The following TMED3 variants were observed in gnomAD, a reference collection of about 807,000 sequenced individuals.
TMED3 encodes the protein transmembrane emp24 domain-containing protein 3.
In TMED3, 9 loss-of-function variants were observed where a neutral mutation model predicts 15.0. That is an observed-to-expected ratio of 0.60 (90% CI 0.36 to 1.04). The LOEUF (loss-of-function observed/expected upper bound fraction) is 1.04, where lower values mean the gene tolerates loss of function less well. Among genes scored for constraint, TMED3 ranks in the 50% least tolerant of loss-of-function variants. The pLI, the probability that TMED3 is intolerant of heterozygous loss-of-function variation, is 0.01. For missense variants in TMED3, 267 were observed against 278.9 expected (o/e 0.96, Z 0.30); for synonymous variants, 117 against 121.4 (o/e 0.96, Z 0.24).
intron 2 of TMED3, among the ~76,000 whole-genome samples, chr15:79,366,898 A>AT (rs34189489): frequency 0.27 from 41,556 of 151,480 alleles, 5,840 homozygotes; most frequent in African/African-American, 0.31. Flanking sequence ...TTTAAGGTGC[A>AT]TTTTTTTTTC....
intron 2 of TMED3, among the ~76,000 whole-genome samples, chr15:79,396,268 C>T (rs1893762253): frequency 6.6e-6 from 1 of 152,148 alleles, no homozygotes; most frequent in Non-Finnish European, 1.5e-5. Context: ...TGGTATAAAG[C>T]AATGACCATT....
intron 2 of TMED3, among the ~76,000 whole-genome samples, chr15:79,331,732 GACAA>G (rs967025484): frequency 3.9e-5 from 6 of 152,002 alleles, no homozygotes; most frequent in African/African-American, 1.2e-4. Context: ...TTAAACAATG[GACAA>G]ACAATCTGAA....
chr15:79,339,710 G>A (rs2058843079), intron 2 of TMED3, among the ~76,000 whole-genome samples: 1 of 151,978 alleles, frequency 6.6e-6, no homozygotes, highest in Non-Finnish European at 1.5e-5. Flanking sequence ...TAGTAATGGT[G>A]GTGGCAATGG....
At chr15:79,350,939 A>T (rs1393010398) in intron 2 of TMED3, among the ~76,000 whole-genome samples, 1 of 152,216 alleles carries the variant, frequency 6.6e-6, no homozygotes, top group Non-Finnish European at 1.5e-5. Flanking sequence ...TTGATGGCAC[A>T]GCAGGCACCT....
chr15:79,380,081 GTA>G (rs945574642), intron 2 of TMED3, among the ~76,000 whole-genome samples: 6 of 152,066 alleles, frequency 3.9e-5, no homozygotes, highest in Non-Finnish European at 7.4e-5. Flanking sequence ...CAGGTCCTTG[GTA>G]TATATATGTC....
intron 2 of TMED3, among the ~76,000 whole-genome samples, chr15:79,376,333 G>A (rs1328239810): frequency 2.0e-5 from 3 of 152,210 alleles, no homozygotes; most frequent in Non-Finnish European, 2.9e-5. Context: ...TAAGAGTAGA[G>A]GCAGAGGCCA....
intron 2 of TMED3, among the ~76,000 whole-genome samples, chr15:79,355,765 G>A (rs538724326): frequency 2.0e-5 from 3 of 152,202 alleles, no homozygotes; most frequent in African/African-American, 4.8e-5. Context: ...CCAAGGAGCC[G>A]GCCTGACCCT....
chr15:79,408,398 T>G (rs1395934), intron 2 of TMED3, among the ~76,000 whole-genome samples: 133,108 of 152,106 alleles, frequency 0.88, 58,659 homozygotes, highest in South Asian at 0.94. Context: ...GAGTGCTGAG[T>G]TGCAGTTTTG....
intron 2 of TMED3, among the ~76,000 whole-genome samples, chr15:79,369,854 G>C (rs566328224): frequency 6.6e-6 from 1 of 152,184 alleles, no homozygotes; most frequent in Admixed American, 6.5e-5. Context: ...AAGGAAGGGC[G>C]ATCCTTTTTT....
chr15:79,344,422 G>C (rs532291669), intron 2 of TMED3, among the ~76,000 whole-genome samples: 2 of 152,292 alleles, frequency 1.3e-5, no homozygotes, highest in African/African-American at 4.8e-5. Flanking sequence ...CTCTGGGGAA[G>C]AGCTCATTCC....
intron 2 of TMED3, chr15:79,383,186 G>A (rs1015249436): frequency 4.5e-6 from 3 of 664,222 alleles, no homozygotes; most frequent in Non-Finnish European, 7.9e-6. Flanking sequence ...TGCTTACGTG[G>A]TAATCAGTAT....
chr15:79,320,966 A>G (rs2058763925), intron 2 of TMED3, among the ~76,000 whole-genome samples: 1 of 152,168 alleles, frequency 6.6e-6, no homozygotes, highest in African/African-American at 2.4e-5. Flanking sequence ...TGTAGGACTG[A>G]GGTCCCCATT....
chr15:79,330,892 A>G (rs554545883), intron 2 of TMED3, among the ~76,000 whole-genome samples: 2 of 152,374 alleles, frequency 1.3e-5, no homozygotes, highest in South Asian at 2.1e-4. Flanking sequence ...ATCTATAGCT[A>G]TATTAGTACA....
intron 2 of TMED3, among the ~76,000 whole-genome samples, chr15:79,402,338 G>A (rs1019783108): frequency 2.6e-5 from 4 of 152,238 alleles, no homozygotes; most frequent in Non-Finnish European, 4.4e-5. Context: ...GTGAGTGAAT[G>A]CTGGGTGGGT....
intron 2 of TMED3, among the ~76,000 whole-genome samples, chr15:79,331,407 TC>T: frequency 1.3e-5 from 1 of 77,654 alleles, no homozygotes; most frequent in African/African-American, 4.0e-5. Flanking sequence ...AAAAATCCAC[TC>T]AAAATGATCA....
chr15:79,332,507 A>G (rs981629980), intron 2 of TMED3, among the ~76,000 whole-genome samples: 1 of 152,218 alleles, frequency 6.6e-6, no homozygotes, highest in African/African-American at 2.4e-5. Flanking sequence ...AAGACATGTT[A>G]AAGACTTGGT....
intron 2 of TMED3, among the ~76,000 whole-genome samples, chr15:79,378,421 CTT>C (rs1387921873): frequency 1.3e-5 from 2 of 152,210 alleles, no homozygotes; most frequent in African/African-American, 4.8e-5. Flanking sequence ...ACTCAAGCCT[CTT>C]TTGATTTTAT....
At chr15:79,324,098 C>T (rs536290710), downstream of TMED3, among the ~76,000 whole-genome samples, 33 of 152,288 alleles carry the variant, frequency 2.2e-4, 1 homozygote, top group African/African-American at 7.9e-4. Context: ...TTACACCATT[C>T]TCCTGCTTCA....
intron 2 of TMED3, among the ~76,000 whole-genome samples, chr15:79,376,918 G>A (rs1290280217): frequency 6.6e-6 from 1 of 152,068 alleles, no homozygotes. Context: ...GTTCAGGTAC[G>A]TGATGTGCTC....
Sources: gnomAD v4.1 joint callset for allele counts (sites outside exome capture counted in the v4.1 genomes callset) on GRCh38, gnomAD v4.1.1 for gene constraint, MANE v1.5 for transcripts, NCBI Gene and HGNC (gene_info 2026-07-23, HGNC 2026-07-21) for gene names.